PRCP: variants seen among roughly 807,000 people sequenced by gnomAD.
PRCP encodes lysosomal Pro-X carboxypeptidase.
A neutral mutation model predicts 54.2 loss-of-function variants in PRCP; 46 were observed. The observed-to-expected ratio is 0.85, with a 90% CI of 0.67 to 1.09. PRCP has a LOEUF of 1.09. Ranked by LOEUF, PRCP falls within the 50% of genes least tolerant of loss-of-function variation. PRCP has a pLI of 0.00. For missense variants in PRCP, 613 were observed against 596.8 expected, an observed-to-expected ratio of 1.03 and a Z score of -0.28; for synonymous variants, 240 against 212.2, an observed-to-expected ratio of 1.13 and a Z score of -1.14.
upstream of PRCP, chr11:82,900,793 C>T (rs538009908): frequency 8.5e-6 from 4 of 468,778 alleles, no homozygotes; most frequent in African/African-American, 5.9e-5. Context: ...ATTATCATCA[C>T]CACCAAACCC....
At chr11:82,826,824 A>C (rs2121045680) in intron 8 of PRCP, 1 of 152,216 alleles carries the variant, frequency 6.6e-6, no homozygotes, top group Non-Finnish European at 1.5e-5. Context: ...TTTGAGTGAG[A>C]GCTCACACTC....
rs1858583489 is a variant in PRCP, at chr11:82,838,510, G to A, written c.1151C>T (p.Ser384Leu). Reference protein sequence around the residue: ...NGVDDMFEPHSWNLKELSDDC... With the variant: ...NGVDDMFEPHLWNLKELSDDC... ...ATCAGAAAGTTCCTTTAAGTTCCATGAGTGAGGTTCAAACATGTCATCGAC... is the reference window on the plus strand; with the variant it reads ...ATCAGAAAGTTCCTTTAAGTTCCATAAGTGAGGTTCAAACATGTCATCGAC... The change falls in exon 8 of 9, where the codon TCA becomes TTA. Residue 384 changes from serine to leucine, a missense_variant. Coordinates refer to ENST00000313010, the MANE Select transcript of PRCP (RefSeq NM_005040.4). 1.9e-6 allele frequency: 3 copies of A among 1,614,162 alleles called. No individual in the cohort carries two copies. The highest frequency in any genetic ancestry group is 2.5e-6 in the Non-Finnish European group (3 of 1,179,990).
intron 1 of PRCP, among the ~76,000 whole-genome samples, chr11:82,895,491 C>G (rs1012176089): frequency 6.6e-6 from 1 of 152,162 alleles, no homozygotes; most frequent in African/African-American, 2.4e-5. Context: ...AACCACCCTC[C>G]TGTTCAAGCT....
intron 1 of PRCP, among the ~76,000 whole-genome samples, chr11:82,873,216 T>G (rs1421676079): frequency 1.3e-5 from 2 of 152,172 alleles, no homozygotes; most frequent in African/African-American, 4.8e-5. Context: ...TATGACAATG[T>G]TTAATCTCCA....
At chr11:82,892,781 T>A (rs150984740) in intron 1 of PRCP, among the ~76,000 whole-genome samples, 106 of 152,320 alleles carry the variant, frequency 7.0e-4, no homozygotes, top group African/African-American at 2.5e-3. Flanking sequence ...TGTGTTGGAG[T>A]CAGATGAATG....
At chr11:82,876,270 G>A (rs139970498) in intron 1 of PRCP, among the ~76,000 whole-genome samples, 1 of 152,286 alleles carries the variant, frequency 6.6e-6, no homozygotes, top group Non-Finnish European at 1.5e-5. Context: ...ATCTATAAAA[G>A]GGAAAACTAA....
intron 1 of PRCP, chr11:82,884,734 T>C: frequency 6.3e-7 from 1 of 1,578,518 alleles, no homozygotes; most frequent in South Asian, 1.2e-5. Context: ...TGACTTTCAG[T>C]GCCATCTTGG....
chr11:82,851,817 C>T (rs754194257), intron 3 of PRCP, among the ~76,000 whole-genome samples: 1 of 152,080 alleles, frequency 6.6e-6, no homozygotes, highest in Non-Finnish European at 1.5e-5. Context: ...TTTCCTATCT[C>T]CTATATATGC....
intron 1 of PRCP, 78 bp downstream of exon 1, chr11:82,900,157 G>C: frequency 6.5e-7 from 1 of 1,530,506 alleles, no homozygotes; most frequent in East Asian, 2.3e-5. Context: ...TTTCGAGGTA[G>C]GCTCCGTTGC....
intron 6 of PRCP, among the ~76,000 whole-genome samples, chr11:82,841,058 A>ATATATATATATAAATAATATAT (rs1178732590): frequency 6.7e-6 from 1 of 149,624 alleles, no homozygotes; most frequent in African/African-American, 2.5e-5. Context: ...TATATAATAG[A>ATATATATATATAAATAATATAT]CTAGTCCTGA....
intron 6 of PRCP, among the ~76,000 whole-genome samples, chr11:82,841,806 A>C (rs1565220114): frequency 6.6e-6 from 1 of 152,230 alleles, no homozygotes; most frequent in East Asian, 1.9e-4. Context: ...TTTCTCAGAA[A>C]ACATTCCTAG....
chr11:82,878,157 G>A (rs914314253), intron 1 of PRCP, among the ~76,000 whole-genome samples: 2 of 152,176 alleles, frequency 1.3e-5, no homozygotes, highest in Admixed American at 6.5e-5. Flanking sequence ...TGGAATGGCT[G>A]TATTTACCCA....
At chr11:82,872,083 A>T (rs1859495074) in intron 1 of PRCP, among the ~76,000 whole-genome samples, 1 of 152,216 alleles carries the variant, frequency 6.6e-6, no homozygotes, top group Admixed American at 6.5e-5. Context: ...GTTGTTTATT[A>T]TTCATTATTG....
intron 1 of PRCP, among the ~76,000 whole-genome samples, chr11:82,892,969 G>A (rs1860037805): frequency 6.6e-6 from 1 of 152,198 alleles, no homozygotes; most frequent in Non-Finnish European, 1.5e-5. Context: ...CACTGAGTAG[G>A]TAGGTAGGTG....
chr11:82,886,440 A>G (rs1213946562), intron 1 of PRCP, among the ~76,000 whole-genome samples: 1 of 152,136 alleles, frequency 6.6e-6, no homozygotes. Context: ...GCACACCACC[A>G]TGCCTGGCTA....
At chr11:82,849,367 T>G (rs563346589) in intron 5 of PRCP, 149 bp from the exon 6 acceptor site, 5 of 879,040 alleles carry the variant, frequency 5.7e-6, no homozygotes, top group Non-Finnish European at 8.4e-6. Context: ...GAGAATCCCA[T>G]GACAGACAAG....
intron 8 of PRCP, among the ~76,000 whole-genome samples, chr11:82,833,358 G>A (rs1858435434): frequency 6.6e-6 from 1 of 152,130 alleles, no homozygotes; most frequent in Admixed American, 6.5e-5. Context: ...GAATCTTAAG[G>A]AAAATGGAAA....
chr11:82,900,471 G>C, upstream of PRCP: 1 of 1,520,486 alleles, frequency 6.6e-7, no homozygotes, highest in Non-Finnish European at 8.8e-7. Context: ...CACAGGCTAA[G>C]CCCTGCCCAG....
At chr11:82,873,080 A>T (rs35243679) in intron 1 of PRCP, among the ~76,000 whole-genome samples, 21,487 of 94,260 alleles carry the variant, frequency 0.23, 2,963 homozygotes, top group African/African-American at 0.49. Context: ...TTTTTTTTTT[A>T]AAAAAAAAGA....
Sources: gnomAD v4.1 joint callset for allele counts (sites outside exome capture counted in the v4.1 genomes callset) on GRCh38, gnomAD v4.1.1 for gene constraint, MANE v1.5 for transcripts, NCBI Gene and HGNC (gene_info 2026-07-23, HGNC 2026-07-21) for gene names.